Variants in LRP1B observed in about 807,000 individuals in gnomAD.
LRP1B encodes the protein low-density lipoprotein receptor-related protein 1B.
In LRP1B, 217 loss-of-function variants were observed where a neutral mutation model predicts 556.6. That is an observed-to-expected ratio of 0.39 (90% CI 0.35 to 0.44). LRP1B has a LOEUF of 0.44. Ranked by LOEUF, LRP1B falls within the 20% of genes least tolerant of loss-of-function variation. LRP1B has a pLI of 1.00. For missense variants in LRP1B, 5,053 were observed against 5,620.8 expected (o/e 0.90, Z 3.23); for synonymous variants, 2,047 against 1,865.8 (o/e 1.10, Z -2.50).
At chr2:141,244,226 T>C in intron 5 of LRP1B, among the ~76,000 whole-genome samples, 1 of 152,202 alleles carries the variant, frequency 6.6e-6, no homozygotes, top group East Asian at 1.9e-4. Context: ...CTTTGCAAAA[T>C]CATATTCTTG....
Position 140,269,141 on chromosome 2 carries a change from C to T in LRP1B, c.13247+1101G>A, listed in dbSNP as rs1413222365. On this transcript the variant is annotated intron_variant, in intron 86 of 90. Coordinates refer to ENST00000389484, the MANE Select transcript of LRP1B (RefSeq NM_018557.3). ...TGAAGCAAAGGTTAAGTGTGTATGA[C>T]ACAGATGAGCCCCGAGATTAAGTAT... 6 of 400,572 alleles carry T rather than the reference C, an allele frequency of 1.5e-5. No individual in the cohort carries two copies. The East Asian group carries it at 2.9e-4, about 19-fold the overall frequency. The allele number at this position is 400,572 out of a possible 1,614,324, so 24.8% of individuals were successfully genotyped here.
chr2:141,741,597 T>C (rs1418951677), intron 2 of LRP1B, among the ~76,000 whole-genome samples: 2 of 152,194 alleles, frequency 1.3e-5, no homozygotes, highest in African/African-American at 4.8e-5. Context: ...ATGTCTTCTT[T>C]TGAGAAGTGT....
intron 90 of LRP1B, among the ~76,000 whole-genome samples, chr2:140,234,245 T>C (rs1318775869): frequency 6.6e-6 from 1 of 151,276 alleles, no homozygotes; most frequent in Non-Finnish European, 1.5e-5. Flanking sequence ...ATAATGCATA[T>C]TTTTATTCCT....
chr2:141,470,384 G>A (rs1573983137), intron 3 of LRP1B, among the ~76,000 whole-genome samples: 1 of 152,152 alleles, frequency 6.6e-6, no homozygotes, highest in East Asian at 1.9e-4. Context: ...TGTTCAGCCT[G>A]TTGTTTGCTC....
At chr2:140,352,450 A>G (rs1682008841) in intron 76 of LRP1B, among the ~76,000 whole-genome samples, 1 of 152,198 alleles carries the variant, frequency 6.6e-6, no homozygotes, top group African/African-American at 2.4e-5. Flanking sequence ...CTGGGATTAC[A>G]GGCATGAGCC....
chr2:141,125,854 A>AAC (rs1553463699), intron 7 of LRP1B, among the ~76,000 whole-genome samples: 3 of 148,910 alleles, frequency 2.0e-5, no homozygotes, highest in Non-Finnish European at 3.0e-5. Context: ...CAAAAAAAAA[A>AAC]AAAAAAACAA....
chr2:140,786,524 A>C (rs1003243971), intron 32 of LRP1B, among the ~76,000 whole-genome samples: 2 of 152,194 alleles, frequency 1.3e-5, no homozygotes, highest in Non-Finnish European at 2.9e-5. Flanking sequence ...AGCTCTCTGC[A>C]GTTTGTCTGA....
intron 83 of LRP1B, among the ~76,000 whole-genome samples, chr2:140,308,303 C>T (rs1354800650): frequency 6.6e-6 from 1 of 151,172 alleles, no homozygotes; most frequent in African/African-American, 2.4e-5. Context: ...TGTAAAAAAC[C>T]CTCTCTAATA....
intron 36 of LRP1B, 122 bp from the exon 37 acceptor site, chr2:140,716,224 C>A (rs1687205108): frequency 4.5e-6 from 3 of 662,080 alleles, no homozygotes; most frequent in Admixed American, 2.6e-5. Flanking sequence ...TTCCTACATT[C>A]TTTTTAAATG....
chr2:140,247,405 G>A (rs1168193741), intron 86 of LRP1B, among the ~76,000 whole-genome samples: 1 of 151,464 alleles, frequency 6.6e-6, no homozygotes, highest in Non-Finnish European at 1.5e-5. Context: ...TACTTATTCT[G>A]TGTTAAAATT....
intron 32 of LRP1B, among the ~76,000 whole-genome samples, chr2:140,779,111 A>G (rs1689598336): frequency 6.6e-6 from 1 of 152,056 alleles, no homozygotes; most frequent in African/African-American, 2.4e-5. Context: ...CCTGCAACCA[A>G]AAAGTTTGAG....
intron 10 of LRP1B, 36 bp downstream of exon 10, chr2:141,055,080 G>A (rs1368553306): frequency 1.2e-6 from 2 of 1,608,006 alleles, no homozygotes; most frequent in East Asian, 2.2e-5. Flanking sequence ...TTCTAAAGGG[G>A]TAGCTGCTGG....
intron 7 of LRP1B, among the ~76,000 whole-genome samples, chr2:141,069,120 T>C (rs1699563470): frequency 6.6e-6 from 1 of 152,014 alleles, no homozygotes; most frequent in Non-Finnish European, 1.5e-5. Flanking sequence ...CATTCCCTAA[T>C]CAAGCCTGCT....
At chr2:141,053,815 C>A (rs1699104409) in intron 10 of LRP1B, among the ~76,000 whole-genome samples, 1 of 114,222 alleles carries the variant, frequency 8.8e-6, no homozygotes, top group Non-Finnish European at 1.8e-5. Flanking sequence ...TGCACATATG[C>A]ATGTGTGTAT....
At chr2:141,185,669 A>G (rs1681207850) in intron 7 of LRP1B, among the ~76,000 whole-genome samples, 1 of 136,238 alleles carries the variant, frequency 7.3e-6, no homozygotes, top group Non-Finnish European at 1.6e-5. Flanking sequence ...AACCATGGAG[A>G]ACTGAAAAAC....
At chr2:141,122,327 G>T (rs1701075636) in intron 7 of LRP1B, among the ~76,000 whole-genome samples, 1 of 151,590 alleles carries the variant, frequency 6.6e-6, no homozygotes, top group African/African-American at 2.4e-5. Flanking sequence ...CTACAGAATG[G>T]GAGAAAATTT....
chr2:141,714,461 T>TC (rs397873335), intron 2 of LRP1B, among the ~76,000 whole-genome samples: 5 of 150,818 alleles, frequency 3.3e-5, no homozygotes, highest in African/African-American at 9.7e-5. Flanking sequence ...TTTTTTTTTT[T>TC]CCTATATTTT....
chr2:140,969,857 C>T (rs139817065), intron 18 of LRP1B, among the ~76,000 whole-genome samples: 4,435 of 152,282 alleles, frequency 0.029, 161 homozygotes, highest in African/African-American at 0.087. Context: ...CCCCCACTCT[C>T]TTCTGGCTTG....
rs934541933 is a variant in LRP1B, at chr2:140,850,398, T to C, written c.4712-69A>G. The C allele has an allele frequency of 9.1e-6, 8 of 880,550 alleles. No individual in the cohort carries two copies. The African/African-American group carries it at 1.4e-4, about 15-fold the overall frequency. 54.5% of individuals were successfully genotyped at this position (880,550 alleles called of 1,614,324 possible). A position where few individuals can be genotyped will look rare whatever the true frequency, so the allele number is the denominator to read the frequency against. On this transcript the variant is annotated intron_variant, in intron 28 of 90. Transcript: ENST00000389484. The stretch of plus-strand genomic sequence containing the variant: ...GCTTGAAAGTCTAGAAATTCTAAAA[T>C]ATTACTTGATTTAATACATGTTAAC...
Sources: gnomAD v4.1 joint callset for allele counts (sites outside exome capture counted in the v4.1 genomes callset) on GRCh38, gnomAD v4.1.1 for gene constraint, MANE v1.5 for transcripts, NCBI Gene and HGNC (gene_info 2026-07-23, HGNC 2026-07-21) for gene names.